The following EPS8 variants were observed in gnomAD, a reference collection of about 807,000 sequenced individuals.
EPS8 encodes epidermal growth factor receptor kinase substrate 8.
EPS8 carries 42 observed loss-of-function variants against 103.8 expected under a neutral mutation model. The observed-to-expected ratio is 0.40, with a 90% CI of 0.32 to 0.52. The LOEUF is 0.52. EPS8 is among the 20% of genes least tolerant of loss of function. The pLI, the probability that EPS8 is intolerant of heterozygous loss-of-function variation, is 0.40. For synonymous variants in EPS8, 344 were observed against 344.6 expected (o/e 1.00, Z 0.02); for missense variants, 969 against 1,005.1 (o/e 0.96, Z 0.49).
intron 3 of EPS8, chr12:15,672,379 C>T (rs1333162745): frequency 5.0e-6 from 2 of 397,136 alleles, no homozygotes; most frequent in African/African-American, 2.1e-5. Flanking sequence ...TATTCCAATA[C>T]ACTCCATTTT....
At chr12:15,719,873 G>A (rs1267877418) in intron 1 of EPS8, among the ~76,000 whole-genome samples, 1 of 152,062 alleles carries the variant, frequency 6.6e-6, no homozygotes, top group African/African-American at 2.4e-5. Flanking sequence ...TTTGACATGG[G>A]GCTATGAAAA....
chr12:15,770,753 A>G (rs1269642916), intron 1 of EPS8, among the ~76,000 whole-genome samples: 2 of 152,240 alleles, frequency 1.3e-5, no homozygotes, highest in South Asian at 2.1e-4. Flanking sequence ...GATTGTCACC[A>G]TGATTAAGCT....
intron 1 of EPS8, among the ~76,000 whole-genome samples, chr12:15,726,159 C>G (rs1565519659): frequency 6.6e-6 from 1 of 151,920 alleles, no homozygotes; most frequent in Non-Finnish European, 1.5e-5. Context: ...GACTATTTCA[C>G]AAGAGAAATT....
At chr12:15,653,492 T>C (rs1051362339) in intron 13 of EPS8, among the ~76,000 whole-genome samples, 3 of 152,082 alleles carry the variant, frequency 2.0e-5, no homozygotes, top group Non-Finnish European at 2.9e-5. Context: ...GAGAAACACA[T>C]CTTCATCCTT....
At chr12:15,673,242 T>C (rs959569920) in intron 3 of EPS8, among the ~76,000 whole-genome samples, 3 of 152,302 alleles carry the variant, frequency 2.0e-5, no homozygotes, top group Admixed American at 6.5e-5. Flanking sequence ...TTTCTCTATG[T>C]TGTACAATAA....
At position 15,779,258 on chromosome 12, in the gene EPS8, G is replaced by A. The variant is rs1258864055; in HGVS notation, c.-22+9903C>T. ...TTCCCAAAATGCTGGGATTACAGGC[G>A]TGAGCCACCTTGCCCAGCAAAATGT... On this transcript the variant is annotated intron_variant, in intron 1 of 20. Transcript: ENST00000281172. The surrounding 1 kb of genome is among the most constrained non-coding windows in gnomAD (Gnocchi z 4.3). 1.3e-5 allele frequency among the ~76,000 whole-genome samples: 2 copies of A among 152,218 alleles called. No individual in the cohort carries two copies. Among genetic ancestry groups the A allele is most frequent in the Admixed American group, 6.5e-5 (1 of 15,276 alleles).
intron 1 of EPS8, among the ~76,000 whole-genome samples, chr12:15,710,215 A>C (rs1242971707): frequency 6.6e-6 from 1 of 152,232 alleles, no homozygotes; most frequent in Non-Finnish European, 1.5e-5. Context: ...AAGGAAGATA[A>C]AGAATCCAAT....
At chr12:15,628,664 A>T (rs1051183480) in intron 18 of EPS8, among the ~76,000 whole-genome samples, 2 of 152,236 alleles carry the variant, frequency 1.3e-5, no homozygotes, top group Non-Finnish European at 2.9e-5. Context: ...CTTCCACAAA[A>T]GGGCTTCACT....
At chr12:15,660,116 TAGCTGACTTATAACCAA>T (rs1011685983) in intron 10 of EPS8, among the ~76,000 whole-genome samples, 5 of 152,166 alleles carry the variant, frequency 3.3e-5, no homozygotes. Context: ...TTCTTCACTA[TAGCTGACTTATAACCAA>T]AATGGACTCT....
chr12:15,751,314 C>T lies in EPS8; in HGVS notation c.-22+37847G>A, dbSNP rs1054616724. 6.6e-6 allele frequency among the ~76,000 whole-genome samples: 1 copy of T among 152,070 alleles called. No individual in the cohort carries two copies. The highest frequency in any genetic ancestry group is 1.5e-5 in the Non-Finnish European group (1 of 68,018). On this transcript the variant is annotated intron_variant, in intron 1 of 20. Coordinates refer to ENST00000281172, the MANE Select transcript of EPS8 (RefSeq NM_004447.6). The surrounding 1 kb of genome is among the most constrained non-coding windows in gnomAD (Gnocchi z 4.3). ...TAAAGGCTGCAGTGAGCTGAGATCACGCCACTGCACTCCAGCCTGGGCGAC... is the reference window on the plus strand; with the variant it reads ...TAAAGGCTGCAGTGAGCTGAGATCATGCCACTGCACTCCAGCCTGGGCGAC...
rs563147625 is a variant in EPS8 at position 15,721,140 on chromosome 12, C to G, written c.-21-38168G>C. Among the ~76,000 whole-genome samples, 1 of 152,172 alleles carries G rather than the reference C, an allele frequency of 6.6e-6. No homozygotes were observed. The highest frequency in any genetic ancestry group is 2.1e-4 in the South Asian group (1 of 4,812). Reference sequence around the variant, plus strand: ...TTGGCACATAATAGGTGAAGGCAATCAAAAATATGTCCACATATACTCAGA... The same window carrying G: ...TTGGCACATAATAGGTGAAGGCAATGAAAAATATGTCCACATATACTCAGA... On this transcript the variant is annotated intron_variant, in intron 1 of 20. Coordinates refer to ENST00000281172, the MANE Select transcript of EPS8 (RefSeq NM_004447.6). The surrounding 1 kb of genome is among the most constrained non-coding windows in gnomAD (Gnocchi z 4.4).
chr12:15,642,862 T>C (rs976049251), intron 15 of EPS8, among the ~76,000 whole-genome samples: 13 of 152,128 alleles, frequency 8.5e-5, no homozygotes, highest in Admixed American at 2.0e-4. Context: ...ACCTCTTAGG[T>C]AGTAACTCCA....
At position 15,688,654 on chromosome 12, in the gene EPS8, C is replaced by T. The variant is rs1467179896; in HGVS notation, c.-21-5682G>A. ...GAATTTGGAGTTTAGCAGGGGCAGC[C>T]GGACTCCAGGGGAAAACCATTCTCC... On this transcript the variant is annotated intron_variant, in intron 1 of 20. Transcript: ENST00000281172. The surrounding 1 kb of genome is among the most constrained non-coding windows in gnomAD (Gnocchi z 5.1). Among the ~76,000 whole-genome samples the T allele has an allele frequency of 6.6e-6, 1 of 152,034 alleles. No homozygotes were observed. The highest frequency in any genetic ancestry group is 1.5e-5 in the Non-Finnish European group (1 of 68,002).
chr12:15,689,487 T>A (rs909301938), intron 1 of EPS8, among the ~76,000 whole-genome samples: 7 of 152,214 alleles, frequency 4.6e-5, no homozygotes, highest in East Asian at 1.9e-4. Context: ...ACATCTTTTT[T>A]AAAAGTTTTG....
At chr12:15,720,818 A>T (rs893362662) in intron 1 of EPS8, among the ~76,000 whole-genome samples, 8 of 152,062 alleles carry the variant, frequency 5.3e-5, no homozygotes, top group African/African-American at 1.9e-4. Flanking sequence ...CCTGAAACTC[A>T]AGTTCTCCAT....
chr12:15,711,084 T>A (rs1010811129), intron 1 of EPS8, among the ~76,000 whole-genome samples: 3 of 144,692 alleles, frequency 2.1e-5, no homozygotes, highest in Non-Finnish European at 4.5e-5. Flanking sequence ...TTATTTATTT[T>A]GGTAGAGACA....
In EPS8 at chr12:15,751,089, G is replaced by A. The variant is rs1373944262; in HGVS notation, c.-22+38072C>T. ...ATCCACATTATCACCAGGCTTGGTGGCACATGCCTGTAAATCCCAGCTCTT... is the reference window on the plus strand; with the variant it reads ...ATCCACATTATCACCAGGCTTGGTGACACATGCCTGTAAATCCCAGCTCTT... On this transcript the variant is annotated intron_variant, in intron 1 of 20. Coordinates refer to ENST00000281172, the MANE Select transcript of EPS8 (RefSeq NM_004447.6). This position sits in a 1 kb window ranked among gnomAD's most constrained non-coding sequence, Gnocchi z 4.3. Among the ~76,000 whole-genome samples, 2 of 152,098 alleles carry A rather than the reference G, an allele frequency of 1.3e-5. No individual in the cohort carries two copies. The highest frequency in any genetic ancestry group is 2.9e-5 in the Non-Finnish European group (2 of 68,026).
At chr12:15,657,677 T>C (rs989410079) in intron 12 of EPS8, among the ~76,000 whole-genome samples, 6 of 152,164 alleles carry the variant, frequency 3.9e-5, no homozygotes, top group African/African-American at 1.4e-4. Context: ...AAAAAGAACA[T>C]GGGTCTCTGA....
rs34794895 is a variant in EPS8, at chr12:15,678,914, C to CAA, written c.136+2310_136+2311dup. On this transcript the variant is annotated intron_variant, in intron 3 of 20. Transcript: ENST00000281172. Reference sequence around the variant, plus strand: ...GGGCAACAGAGTGAGACTCTGTCTCCAAAAAAAAAAAAAAAAAAAAAAGTA... The same window carrying CAA: ...GGGCAACAGAGTGAGACTCTGTCTCCAAAAAAAAAAAAAAAAAAAAAAAAGTA... Among the ~76,000 whole-genome samples, 275 of 54,362 alleles carry CAA rather than the reference C, an allele frequency of 5.1e-3. 1 individual carries two copies. Among genetic ancestry groups the CAA allele is most frequent in the African/African-American group, 0.015 (234 of 15,990 alleles). 35.7% of individuals were successfully genotyped at this position (54,362 alleles called of 152,430 possible). A position where few individuals can be genotyped will look rare whatever the true frequency, so the allele number is the denominator to read the frequency against.
Sources: gnomAD v4.1 joint callset for allele counts (sites outside exome capture counted in the v4.1 genomes callset) on GRCh38, gnomAD v4.1.1 for gene constraint, Gnocchi (gnomAD v3.1) non-coding constraint, MANE v1.5 for transcripts, NCBI Gene and HGNC (gene_info 2026-07-23, HGNC 2026-07-21) for gene names.